CFAP95: variants seen among roughly 807,000 people sequenced by gnomAD.
The protein encoded by CFAP95 is cilia- and flagella-associated protein 95.
the CFAP95 span, among the ~76,000 whole-genome samples, chr9:69,864,308 T>G: frequency 1.2e-4 from 19 of 152,094 alleles, no homozygotes; most frequent in Admixed American, 6.6e-4. Context: ...TGTGTGTGTG[T>G]GTGTATGTGC....
chr9:69,889,926 G>C, the CFAP95 span, among the ~76,000 whole-genome samples: 1 of 152,000 alleles, frequency 6.6e-6, no homozygotes, highest in Non-Finnish European at 1.5e-5. Flanking sequence ...TAAAAATATA[G>C]AGAAAATTTT....
At chr9:69,832,841 C>G in the CFAP95 span, among the ~76,000 whole-genome samples, 1 of 151,686 alleles carries the variant, frequency 6.6e-6, no homozygotes, top group East Asian at 1.9e-4. Flanking sequence ...GGTATCCCTC[C>G]CTATTTGGAC....
At chr9:69,899,360 G>A in the CFAP95 span, among the ~76,000 whole-genome samples, 6 of 152,330 alleles carry the variant, frequency 3.9e-5, no homozygotes, top group African/African-American at 1.4e-4. Flanking sequence ...ACTGATATTT[G>A]ACCTTCTTCT....
chr9:69,829,180 C>T, the CFAP95 span, among the ~76,000 whole-genome samples: 20,590 of 152,174 alleles, frequency 0.14, 1,507 homozygotes, highest in East Asian at 0.28. Flanking sequence ...CCTCAACATA[C>T]GCACATTACC....
chr9:69,820,838 T>C, the CFAP95 span: 5 of 1,598,028 alleles, frequency 3.1e-6, no homozygotes, highest in African/African-American at 4.0e-5. Flanking sequence ...GCAGGACAGG[T>C]GCATAGGGAA....
chr9:69,892,488 T>C, the CFAP95 span, among the ~76,000 whole-genome samples: 1 of 152,200 alleles, frequency 6.6e-6, no homozygotes, highest in South Asian at 2.1e-4. Flanking sequence ...TCAAAGATAC[T>C]CTCCAAAGAG....
chr9:69,845,937 G>T, the CFAP95 span, among the ~76,000 whole-genome samples: 1 of 152,110 alleles, frequency 6.6e-6, no homozygotes. Context: ...TGTGGATGGG[G>T]CTCTGCAGTG....
At chr9:69,826,400 A>G in the CFAP95 span, among the ~76,000 whole-genome samples, 2 of 152,156 alleles carry the variant, frequency 1.3e-5, no homozygotes, top group Non-Finnish European at 2.9e-5. Flanking sequence ...TCCTCCTGTC[A>G]CTGGAGACCA....
the CFAP95 span, among the ~76,000 whole-genome samples, chr9:69,897,857 A>G: frequency 1.3e-5 from 2 of 152,094 alleles, no homozygotes; most frequent in South Asian, 4.2e-4. Flanking sequence ...CACTAGGAGG[A>G]CCCTCCTTTA....
the CFAP95 span, among the ~76,000 whole-genome samples, chr9:69,893,157 G>A: frequency 9.9e-5 from 15 of 152,248 alleles, no homozygotes; most frequent in East Asian, 1.9e-4. Context: ...ACCCCTAGGC[G>A]CTTCCATGGG....
At chr9:69,862,571 G>A in the CFAP95 span, among the ~76,000 whole-genome samples, 1 of 152,098 alleles carries the variant, frequency 6.6e-6, no homozygotes, top group Non-Finnish European at 1.5e-5. Flanking sequence ...ACTTTAAAAG[G>A]CAATGAATAA....
At chr9:69,833,544 C>T in the CFAP95 span, among the ~76,000 whole-genome samples, 8 of 152,002 alleles carry the variant, frequency 5.3e-5, no homozygotes, top group South Asian at 2.1e-4. Context: ...CCATTGTTTC[C>T]GGTGAAAGAG....
chr9:69,869,634 A>G, the CFAP95 span, among the ~76,000 whole-genome samples: 1 of 152,150 alleles, frequency 6.6e-6, no homozygotes, highest in Non-Finnish European at 1.5e-5. Flanking sequence ...CTGTGAGGAG[A>G]TGGATATGTT....
the CFAP95 span, among the ~76,000 whole-genome samples, chr9:69,891,735 T>C: frequency 6.6e-6 from 1 of 152,164 alleles, no homozygotes; most frequent in Non-Finnish European, 1.5e-5. Context: ...TACCCATCTT[T>C]TCTCCCCTCT....
the CFAP95 span, among the ~76,000 whole-genome samples, chr9:69,897,148 G>A: frequency 2.0e-5 from 3 of 152,136 alleles, no homozygotes; most frequent in Non-Finnish European, 4.4e-5. Flanking sequence ...TGGAAATAAT[G>A]AAACAAAATA....
At chr9:69,836,599 G>A in the CFAP95 span, among the ~76,000 whole-genome samples, 15 of 150,166 alleles carry the variant, frequency 1.0e-4, no homozygotes, top group Non-Finnish European at 1.9e-4. Context: ...GATTAATAAT[G>A]GCATTTAAAA....
chr9:69,837,556 T>C, the CFAP95 span, among the ~76,000 whole-genome samples: 1 of 152,222 alleles, frequency 6.6e-6, no homozygotes, highest in Non-Finnish European at 1.5e-5. Flanking sequence ...TTCATGTCCT[T>C]CGCCCACTTT....
the CFAP95 span, among the ~76,000 whole-genome samples, chr9:69,840,514 G>A: frequency 1.3e-5 from 2 of 152,034 alleles, no homozygotes; most frequent in Non-Finnish European, 2.9e-5. Flanking sequence ...ATGATTCTCG[G>A]TTCATCTCAG....
chr9:69,833,057 T>A, the CFAP95 span, among the ~76,000 whole-genome samples: 1 of 152,314 alleles, frequency 6.6e-6, no homozygotes, highest in Non-Finnish European at 1.5e-5. Context: ...CCTTTTAAAG[T>A]GTATTTAATT....
Sources: allele counts gnomAD v4.1 joint callset (sites outside exome capture counted in the v4.1 genomes callset), GRCh38; gene constraint gnomAD v4.1.1; transcripts MANE v1.5; gene names NCBI Gene and HGNC (gene_info 2026-07-23, HGNC 2026-07-21).